The following AMMECR1 variants were observed in gnomAD, a reference collection of about 807,000 sequenced individuals.
The protein encoded by AMMECR1 is nuclear protein AMMECR1.
AMMECR1 carries 3 observed loss-of-function variants against 22.5 expected under a neutral mutation model. The ratio of observed to expected loss-of-function variants is 0.13; its 90% CI spans 0.06 to 0.35. The LOEUF (loss-of-function observed/expected upper bound fraction) is 0.35. AMMECR1 is among the 10% of genes least tolerant of loss of function. AMMECR1 has a pLI of 1.00. For missense variants in AMMECR1, 235 were observed against 278.7 expected (o/e 0.84, Z 1.12); for synonymous variants, 130 against 116.7 (o/e 1.11, Z -0.74).
intron 1 of AMMECR1, among the ~76,000 whole-genome samples, chrX:110,313,217 CAG>C (rs1343341649): frequency 8.9e-6 from 1 of 112,056 alleles, no homozygotes; most frequent in East Asian, 2.8e-4. Context: ...AACACCTCTT[CAG>C]AGTCTCAAAA....
chrX:110,370,079 A>T (rs1290673914), intron 2 of AMMECR1, among the ~76,000 whole-genome samples: 1 of 111,459 alleles, frequency 9.0e-6, no homozygotes, highest in Non-Finnish European at 1.9e-5. Flanking sequence ...TCCTAATTCC[A>T]CTGTTTGGAG....
At chrX:110,229,910 A>T (rs2067554381) in intron 2 of AMMECR1, among the ~76,000 whole-genome samples, 1 of 112,934 alleles carries the variant, frequency 8.9e-6, no homozygotes, top group Non-Finnish European at 1.9e-5. Context: ...CTGCTAGCAC[A>T]GCAGTCTGAG....
At chrX:110,299,989 G>T (rs1304633570) in intron 1 of AMMECR1, among the ~76,000 whole-genome samples, 1 of 111,960 alleles carries the variant, frequency 8.9e-6, no homozygotes, top group Admixed American at 9.4e-5. Flanking sequence ...AATGAACATG[G>T]GGGCACAGAT....
chrX:110,386,629 AT>A lies in AMMECR1; in HGVS notation c.-148+40028del, dbSNP rs749075623. On this transcript the variant is annotated intron_variant, in intron 2 of 7. Transcript: ENST00000372057. ...TGTGAATATTCTGTCATTCTGTGTAATTTTTTTTCATTTTCTTGAAGCTATT... is the reference window on the plus strand; with the variant it reads ...TGTGAATATTCTGTCATTCTGTGTAATTTTTTTCATTTTCTTGAAGCTATT... Among the ~76,000 whole-genome samples the A allele has an allele frequency of 4.3e-3, 476 of 111,219 alleles. 3 individuals are homozygous for A. Among genetic ancestry groups the A allele is most frequent in the African/African-American group, 0.014 (444 of 30,665 alleles).
At position 110,318,006 on chromosome X, in the gene AMMECR1, A is replaced by T. The variant is rs1279456124; in HGVS notation, c.66T>A (p.Gly22=). ...AGGAGGAGGAGGCGCCACCACCGCCACCCGAGCCAGAGGGGGGCGAACTGG... is the reference window on the plus strand; with the variant it reads ...AGGAGGAGGAGGCGCCACCACCGCCTCCCGAGCCAGAGGGGGGCGAACTGG... ...KLSSSPPSGS[G]GGGGASSSSH... The change falls in exon 1 of 6, where the codon GGT becomes GGA. Residue 22 remains glycine (G), a synonymous_variant. Coordinates refer to ENST00000262844, the MANE Select transcript of AMMECR1 (RefSeq NM_015365.3). The T allele has an allele frequency of 1.7e-6, 2 of 1,203,175 alleles. No homozygotes were observed. Among genetic ancestry groups the T allele is most frequent in the Non-Finnish European group, 2.2e-6 (2 of 892,566 alleles).
intron 2 of AMMECR1, among the ~76,000 whole-genome samples, chrX:110,408,558 C>T (rs1418670754): frequency 8.9e-6 from 1 of 112,244 alleles, no homozygotes; most frequent in Non-Finnish European, 1.9e-5. Context: ...AAGGGTTTTG[C>T]TTCCCCTGCC....
intron 1 of AMMECR1, among the ~76,000 whole-genome samples, chrX:110,265,334 G>T (rs937682505): frequency 9.0e-6 from 1 of 111,584 alleles, no homozygotes; most frequent in South Asian, 3.7e-4. Flanking sequence ...GAGAGGTGAA[G>T]GGCAACAGCA....
At chrX:110,289,582 C>T (rs1406333343) in intron 1 of AMMECR1, among the ~76,000 whole-genome samples, 6 of 112,137 alleles carry the variant, frequency 5.4e-5, no homozygotes, top group Admixed American at 4.7e-4. Context: ...TACAGGCCAA[C>T]GTTGATATGA....
intron 3 of AMMECR1, among the ~76,000 whole-genome samples, chrX:110,213,865 C>T (rs1162894599): frequency 2.7e-5 from 3 of 110,979 alleles, no homozygotes; most frequent in Non-Finnish European, 5.7e-5. Flanking sequence ...TGCCAAATAC[C>T]TGAAACAATG....
At chrX:110,284,088 T>G (rs2067866996) in intron 1 of AMMECR1, among the ~76,000 whole-genome samples, 1 of 110,814 alleles carries the variant, frequency 9.0e-6, no homozygotes, top group Non-Finnish European at 1.9e-5. Context: ...ATCTTGCCAC[T>G]GCACTCCAGC....
intron 2 of AMMECR1, among the ~76,000 whole-genome samples, chrX:110,258,010 C>A (rs2067719396): frequency 1.8e-5 from 2 of 111,593 alleles, no homozygotes; most frequent in Non-Finnish European, 3.8e-5. Flanking sequence ...GAACCAAGAG[C>A]CCTGGTGCTG....
chrX:110,386,640 T>C (rs184923288), intron 2 of AMMECR1, among the ~76,000 whole-genome samples: 7 of 112,277 alleles, frequency 6.2e-5, no homozygotes, highest in Non-Finnish European at 1.3e-4. Flanking sequence ...TTTTTTTTCA[T>C]TTTCTTGAAG....
chrX:110,429,777 C>T (rs1299247304), intron 1 of AMMECR1, among the ~76,000 whole-genome samples: 1 of 112,347 alleles, frequency 8.9e-6, no homozygotes, highest in East Asian at 2.8e-4. Context: ...GCCACCATGC[C>T]TGGCTAGAAA....
chrX:110,399,792 TAAG>T (rs900352526), intron 2 of AMMECR1, among the ~76,000 whole-genome samples: 8 of 111,944 alleles, frequency 7.1e-5, no homozygotes, highest in African/African-American at 2.3e-4. Context: ...TCAGGGAGAA[TAAG>T]AAGATAATTA....
intron 2 of AMMECR1, among the ~76,000 whole-genome samples, chrX:110,329,268 G>T (rs1036986479): frequency 2.1e-4 from 23 of 112,097 alleles, no homozygotes; most frequent in Non-Finnish European, 3.0e-4. Flanking sequence ...GTCTTCTTTT[G>T]AGAAGTGTCT....
intron 2 of AMMECR1, among the ~76,000 whole-genome samples, chrX:110,385,992 T>C (rs2068452431): frequency 8.9e-6 from 1 of 112,628 alleles, no homozygotes; most frequent in African/African-American, 3.2e-5. Flanking sequence ...AATAGTTCAT[T>C]ATATGAATAT....
chrX:110,279,584 C>T (rs1192972969), intron 1 of AMMECR1, among the ~76,000 whole-genome samples: 1 of 111,809 alleles, frequency 8.9e-6, no homozygotes, highest in Non-Finnish European at 1.9e-5. Context: ...TAAAAAGAAA[C>T]AAATGTAGTT....
At chrX:110,421,830 C>A (rs188157872) in intron 2 of AMMECR1, among the ~76,000 whole-genome samples, 1 of 112,650 alleles carries the variant, frequency 8.9e-6, no homozygotes, top group Admixed American at 9.4e-5. Context: ...TTGCCAACCA[C>A]CTTGAGGTGT....
chrX:110,360,234 T>C (rs1034619295), intron 2 of AMMECR1, among the ~76,000 whole-genome samples: 8 of 111,625 alleles, frequency 7.2e-5, no homozygotes, highest in African/African-American at 2.6e-4. Flanking sequence ...CCCACAGGGA[T>C]GAAATGAGGG....
Sources: allele counts gnomAD v4.1 joint callset (sites outside exome capture counted in the v4.1 genomes callset), GRCh38; gene constraint gnomAD v4.1.1; transcripts MANE v1.5; gene names NCBI Gene and HGNC (gene_info 2026-07-23, HGNC 2026-07-21).